The following KITLG variants were observed in gnomAD, a reference collection of about 807,000 sequenced individuals.
KITLG encodes the protein c-Kit ligand.
A neutral mutation model predicts 34.1 loss-of-function variants in KITLG; 13 were observed. The ratio of observed to expected loss-of-function variants is 0.38; its 90% CI spans 0.25 to 0.61. KITLG has a LOEUF of 0.61. Among genes scored for constraint, KITLG ranks in the 20% least tolerant of loss-of-function variants. The probability of loss-of-function intolerance (pLI) is 0.60; values close to 1 mark genes in which losing one functional copy is unlikely to be tolerated. For synonymous variants in KITLG, 110 were observed against 104.0 expected (o/e 1.06, Z -0.35); for missense variants, 292 against 318.9 (o/e 0.92, Z 0.64).
chr12:88,548,252 G>A (rs912774139), intron 1 of KITLG, among the ~76,000 whole-genome samples: 3 of 152,016 alleles, frequency 2.0e-5, no homozygotes, highest in South Asian at 2.1e-4. Context: ...TCAGGAGATC[G>A]AGACCAGCCT....
intron 1 of KITLG, among the ~76,000 whole-genome samples, chr12:88,554,281 A>G (rs929329550): frequency 6.6e-6 from 1 of 152,178 alleles, no homozygotes; most frequent in Non-Finnish European, 1.5e-5. Flanking sequence ...TAAAATACAG[A>G]AAAAAAGCCT....
intron 9 of KITLG, among the ~76,000 whole-genome samples, chr12:88,504,929 T>C (rs994570292): frequency 3.8e-5 from 5 of 132,094 alleles, no homozygotes; most frequent in African/African-American, 1.2e-4. Context: ...ATGAGAACAC[T>C]TGGACACAGG....
chr12:88,544,588 G>A (rs1870646450), intron 2 of KITLG, among the ~76,000 whole-genome samples: 1 of 151,622 alleles, frequency 6.6e-6, no homozygotes, highest in Non-Finnish European at 1.5e-5. Flanking sequence ...GACAACTCTT[G>A]CATGGCTTTG....
intron 1 of KITLG, among the ~76,000 whole-genome samples, chr12:88,572,365 T>C (rs1170881638): frequency 6.6e-6 from 1 of 151,812 alleles, no homozygotes; most frequent in Non-Finnish European, 1.5e-5. Flanking sequence ...TGTGTATCTA[T>C]ATATGAAATA....
chr12:88,550,179 C>T (rs1471180338), intron 1 of KITLG, among the ~76,000 whole-genome samples: 2 of 152,118 alleles, frequency 1.3e-5, no homozygotes, highest in Non-Finnish European at 2.9e-5. Flanking sequence ...AGGAGAGCAA[C>T]TGGATAAACA....
chr12:88,534,287 G>A (rs1006540070), intron 2 of KITLG, among the ~76,000 whole-genome samples: 3 of 152,014 alleles, frequency 2.0e-5, no homozygotes, highest in African/African-American at 7.2e-5. Context: ...CACCCTCTGG[G>A]CACTTGTTCT....
intron 2 of KITLG, among the ~76,000 whole-genome samples, chr12:88,538,088 CTTAG>C (rs1219990688): frequency 4.6e-5 from 7 of 152,130 alleles, no homozygotes; most frequent in African/African-American, 1.7e-4. Flanking sequence ...ATACTAAGTG[CTTAG>C]TTAGGCATGG....
chr12:88,493,235 G>C lies in KITLG; in HGVS notation c.*3984C>G, dbSNP rs142009902. 3.9e-5 allele frequency: 6 copies of C among 152,364 alleles called. No individual in the cohort carries two copies. The highest frequency in any genetic ancestry group is 1.4e-4 in the African/African-American group (6 of 41,514). The allele number at this position is 152,364 out of a possible 1,614,324, so 9.4% of individuals were successfully genotyped here. ...GTACTGGAAAACGGTGTGGTTTTTA[G>C]TTTAACAGTTGTTTTAATTTTATTG... On this transcript the variant is annotated 3_prime_UTR_variant, in exon 10 of 10. Coordinates refer to ENST00000644744, the MANE Select transcript of KITLG (RefSeq NM_000899.5).
At position 88,493,509 on chromosome 12, in the gene KITLG, A is replaced by T. The variant is rs545485468; in HGVS notation, c.*3710T>A. The T allele has an allele frequency of 3.5e-4, 54 of 152,254 alleles. No homozygotes were observed. Among genetic ancestry groups the T allele is most frequent in the African/African-American group, 1.3e-3 (52 of 41,554 alleles). 9.4% of individuals were successfully genotyped at this position (152,254 alleles called of 1,614,324 possible). On this transcript the variant is annotated 3_prime_UTR_variant, in exon 10 of 10. Transcript: ENST00000644744. ...CACAAATGAGCTAATTAGAATTTCA[A>T]TCTGAATGGTTTTATTTTAAAGCCA...
Position 88,532,474 on chromosome 12 carries a change from T to C in KITLG, c.159A>G (p.Ile53Met). The change falls in exon 3 of 10, where the codon ATA (isoleucine) becomes ATG (methionine). Residue 53 changes from isoleucine to methionine, a missense_variant. Transcript: ENST00000644744. ...CCATCCCGGGGACATATTTGAGGGT[T>C]ATCATGTAGTCTTTTGGAAGATTTG... ...LVANLPKDYM[I>M]TLKYVPGMDV... 6.2e-7 allele frequency: 1 copy of C among 1,610,958 alleles called. No homozygotes were observed. The highest frequency in any genetic ancestry group is 8.5e-7 in the Non-Finnish European group (1 of 1,178,662).
chr12:88,570,839 T>C (rs766205978), intron 1 of KITLG, among the ~76,000 whole-genome samples: 4 of 152,234 alleles, frequency 2.6e-5, no homozygotes, highest in Admixed American at 6.5e-5. Context: ...GTTTGTGGCA[T>C]GGTGTTTCAC....
Position 88,580,262 on chromosome 12 carries a change from AC to A in KITLG, c.15+1del. The stretch of plus-strand genomic sequence containing the variant: ...GGGAGCTCCCGGGCGCGCCCTACTC[AC>A]TTGTGTCTTCTTCATAAGGAAAGGC... On this transcript the variant is annotated splice_donor_variant, in intron 1 of 9. Coordinates refer to ENST00000644744, the MANE Select transcript of KITLG (RefSeq NM_000899.5). LOFTEE classifies it high-confidence loss of function. 1 of 1,609,468 alleles carries A rather than the reference AC, an allele frequency of 6.2e-7. No individual in the cohort carries two copies. Among genetic ancestry groups the A allele is most frequent in the Non-Finnish European group, 8.5e-7 (1 of 1,178,078 alleles).
intron 2 of KITLG, among the ~76,000 whole-genome samples, chr12:88,543,100 G>A (rs917235112): frequency 7.2e-5 from 11 of 151,916 alleles, no homozygotes; most frequent in African/African-American, 2.7e-4. Context: ...TGTAGTCCCA[G>A]GCACCTGTAA....
chr12:88,554,187 A>T (rs969814531), intron 1 of KITLG, among the ~76,000 whole-genome samples: 5 of 152,192 alleles, frequency 3.3e-5, no homozygotes, highest in African/African-American at 1.2e-4. Context: ...ATTAAAATGC[A>T]TGCAGCCTAA....
At position 88,495,734 on chromosome 12, in the gene KITLG, C is replaced by A. The variant is rs1461336871; in HGVS notation, c.*1485G>T. The A allele has an allele frequency of 6.6e-6, 1 of 152,296 alleles. No individual in the cohort carries two copies. Among genetic ancestry groups the A allele is most frequent in the Non-Finnish European group, 1.5e-5 (1 of 68,014 alleles). 9.4% of individuals were successfully genotyped at this position (152,296 alleles called of 1,614,324 possible). ...GTGTCACTACATTGAAAACTGTCAT[C>A]TTACGGTTGTAGAACATGGCAATAA... On this transcript the variant is annotated 3_prime_UTR_variant, in exon 10 of 10. Transcript: ENST00000644744.
intron 9 of KITLG, among the ~76,000 whole-genome samples, chr12:88,499,941 ATT>A (rs1868787839): frequency 1.3e-5 from 2 of 152,198 alleles, no homozygotes; most frequent in South Asian, 4.1e-4. Context: ...CCAACACCCG[ATT>A]AGTTTTCTCA....
At chr12:88,563,538 T>G (rs1871355783) in intron 1 of KITLG, among the ~76,000 whole-genome samples, 1 of 152,246 alleles carries the variant, frequency 6.6e-6, no homozygotes, top group Non-Finnish European at 1.5e-5. Context: ...CATCACATTT[T>G]CATGCTAATA....
At chr12:88,515,436 A>G (rs1592841878) in intron 6 of KITLG, 98 bp downstream of exon 6, 1 of 748,862 alleles carries the variant, frequency 1.3e-6, no homozygotes, top group East Asian at 2.7e-5. Flanking sequence ...AACAGTATCA[A>G]TAATAATAAA....
In KITLG at chr12:88,532,513, C is replaced by CAA. The variant is rs11428619; in HGVS notation, c.130-12_130-11dup. 7.7e-4 allele frequency: 1,008 copies of CAA among 1,305,048 alleles called. No individual in the cohort carries two copies. The highest frequency in any genetic ancestry group is 9.4e-4 in the South Asian group (65 of 69,394). The allele number at this position is 1,305,048 out of a possible 1,614,324, so 80.8% of individuals were successfully genotyped here. On this transcript the variant is annotated splice_polypyrimidine_tract_variant and intron_variant, in intron 2 of 9. Transcript: ENST00000644744. ...TTGGAAGATTTGCCACCTACAGAGA[C>CAA]AAAAAAAAAAATTCCATAAGAAAAT...
Sources: allele counts gnomAD v4.1 joint callset (sites outside exome capture counted in the v4.1 genomes callset), GRCh38; gene constraint gnomAD v4.1.1; transcripts MANE v1.5; gene names NCBI Gene and HGNC (gene_info 2026-07-23, HGNC 2026-07-21).